CALD1: variants seen among roughly 807,000 people sequenced by gnomAD.
The protein encoded by CALD1 is caldesmon.
CALD1 carries 33 observed loss-of-function variants against 99.9 expected under a neutral mutation model. That is an observed-to-expected ratio of 0.33 (90% confidence interval 0.25 to 0.44). The LOEUF is 0.44. CALD1 is among the 20% of genes least tolerant of loss of function. CALD1 has a pLI of 1.00. For synonymous variants in CALD1, 310 were observed against 325.0 expected (o/e 0.95, Z 0.50); for missense variants, 861 against 962.1 (o/e 0.89, Z 1.39).
chr7:134,809,250 A>C (rs1461616700), intron 1 of CALD1, among the ~76,000 whole-genome samples: 3 of 152,220 alleles, frequency 2.0e-5, no homozygotes, highest in Non-Finnish European at 1.5e-5. Context: ...ATTCTTTTAA[A>C]TTTTTATGGT....
At chr7:134,803,269 C>A (rs6970551) in intron 1 of CALD1, among the ~76,000 whole-genome samples, 9,610 of 152,086 alleles carry the variant, frequency 0.063, 350 homozygotes, top group African/African-American at 0.1. Flanking sequence ...ATTATACTTT[C>A]TGGATACAAG....
chr7:134,929,037 T>C (rs936553362), intron 4 of CALD1, 137 bp downstream of exon 4: 4 of 741,946 alleles, frequency 5.4e-6, no homozygotes, highest in African/African-American at 5.4e-5. Flanking sequence ...TATTTTGCAG[T>C]CATTTTAGGC....
chr7:134,853,467 T>C (rs1800163422), intron 2 of CALD1, among the ~76,000 whole-genome samples: 1 of 152,200 alleles, frequency 6.6e-6, no homozygotes. Flanking sequence ...CCAGATCTTA[T>C]TCTAACACAT....
intron 3 of CALD1, among the ~76,000 whole-genome samples, chr7:134,875,460 A>AC (rs1801301721): frequency 6.6e-6 from 1 of 152,160 alleles, no homozygotes; most frequent in Non-Finnish European, 1.5e-5. Flanking sequence ...ACATGGTGAA[A>AC]CCCCATCTCT....
chr7:134,950,604 T>G (rs1216489373), intron 9 of CALD1, 90 bp downstream of exon 9: 1 of 1,025,460 alleles, frequency 9.8e-7, no homozygotes, highest in Non-Finnish European at 1.5e-6. Context: ...AGGGCCTTTG[T>G]TCATTTATCT....
upstream of CALD1, among the ~76,000 whole-genome samples, chr7:134,776,706 C>T (rs765616710): frequency 6.6e-6 from 1 of 152,146 alleles, no homozygotes; most frequent in Non-Finnish European, 1.5e-5. Context: ...CCTTTTAAAA[C>T]TTTCAAATCT....
intron 1 of CALD1, among the ~76,000 whole-genome samples, chr7:134,750,287 G>A (rs1171133507): frequency 6.6e-6 from 1 of 151,934 alleles, no homozygotes; most frequent in East Asian, 1.9e-4. Flanking sequence ...CCTACTGGCA[G>A]AGCCTAACAG....
At chr7:134,927,076 C>A (rs76064206) in intron 3 of CALD1, among the ~76,000 whole-genome samples, 2,117 of 152,198 alleles carry the variant, frequency 0.014, 41 homozygotes, top group African/African-American at 0.049. Flanking sequence ...CATACCCATA[C>A]CCAACCCATT....
rs1801648807 is a variant in CALD1 at position 134,882,423 on chromosome 7, GA to G, written c.71+14620del. 1.2e-4 allele frequency among the ~76,000 whole-genome samples: 18 copies of G among 152,268 alleles called. 3 individuals are homozygous for G. The South Asian group carries it at 3.7e-3, about 32-fold the overall frequency. ...CTTATGCTTATTTAGTTGCATTGTG[GA>G]GGCAAATGATATTAATATGGTAAGA... On this transcript the variant is annotated intron_variant, in intron 3 of 14. Coordinates refer to ENST00000361675, the MANE Select transcript of CALD1 (RefSeq NM_033138.4).
At chr7:134,941,317 G>A (rs982743959) in intron 7 of CALD1, 80 bp downstream of exon 7, 2 of 1,178,274 alleles carry the variant, frequency 1.7e-6, no homozygotes, top group African/African-American at 3.1e-5. Flanking sequence ...CCCATCCTGT[G>A]CTTCCAGACA....
the CALD1 span, among the ~76,000 whole-genome samples, chr7:134,738,424 C>T: frequency 6.6e-6 from 1 of 152,132 alleles, no homozygotes; most frequent in Non-Finnish European, 1.5e-5. Flanking sequence ...CTTTCATCTA[C>T]GCTTTATGTT....
At chr7:134,751,161 C>T (rs6973790) in intron 1 of CALD1, among the ~76,000 whole-genome samples, 32,270 of 152,110 alleles carry the variant, frequency 0.21, 3,825 homozygotes, top group African/African-American at 0.32. Context: ...TTGTGCAAGT[C>T]ATTTAACTTC....
chr7:134,802,691 C>T (rs569408472), intron 1 of CALD1, among the ~76,000 whole-genome samples: 1 of 152,204 alleles, frequency 6.6e-6, no homozygotes, highest in South Asian at 2.1e-4. Flanking sequence ...TTATCTAACA[C>T]AAAGCCTATT....
At chr7:134,892,402 G>A (rs1222015804) in intron 3 of CALD1, among the ~76,000 whole-genome samples, 2 of 152,130 alleles carry the variant, frequency 1.3e-5, no homozygotes, top group Non-Finnish European at 2.9e-5. Context: ...GTGTTTATGA[G>A]GTTTGAAAAA....
intron 1 of CALD1, among the ~76,000 whole-genome samples, chr7:134,781,716 A>G (rs939898668): frequency 6.6e-6 from 1 of 152,242 alleles, no homozygotes; most frequent in Non-Finnish European, 1.5e-5. Flanking sequence ...GGATTGATCC[A>G]TAAGTAAAGT....
At chr7:134,733,354 G>A in the CALD1 span, among the ~76,000 whole-genome samples, 2 of 152,268 alleles carry the variant, frequency 1.3e-5, no homozygotes, top group East Asian at 1.9e-4. Context: ...GGTGGCACAA[G>A]AGCCCAGAGG....
At chr7:134,756,412 T>C (rs534726806) in intron 1 of CALD1, among the ~76,000 whole-genome samples, 47 of 152,210 alleles carry the variant, frequency 3.1e-4, no homozygotes, top group African/African-American at 1.1e-3. Flanking sequence ...GTTCTTATGA[T>C]TAAAATTATA....
intron 1 of CALD1, among the ~76,000 whole-genome samples, chr7:134,791,192 CTTTA>C (rs996769947): frequency 2.6e-5 from 4 of 152,094 alleles, no homozygotes; most frequent in Admixed American, 6.5e-5. Context: ...ACAATGGGCA[CTTTA>C]TTTGTTTGTT....
rs78363464 is a variant in CALD1, at chr7:134,935,561, G to A, written c.1309-127G>A. The A allele has an allele frequency of 6.2e-4, 890 of 1,444,174 alleles. 8 individuals carry two copies. In the African/African-American group the frequency reaches 0.01, roughly 16 times the overall value. 89.5% of individuals were successfully genotyped at this position (1,444,174 alleles called of 1,614,324 possible). A position where few individuals can be genotyped will look rare whatever the true frequency, so the allele number is the denominator to read the frequency against. On this transcript the variant is annotated intron_variant, in intron 5 of 14. Coordinates refer to ENST00000361675, the MANE Select transcript of CALD1 (RefSeq NM_033138.4). ...TGTTTAGAACCACTGTGCTGTGAGC[G>A]CTGAGACGGCAGAAGAGAAGCCATC...
Sources: allele counts gnomAD v4.1 joint callset (sites outside exome capture counted in the v4.1 genomes callset), GRCh38; gene constraint gnomAD v4.1.1; transcripts MANE v1.5; gene names NCBI Gene and HGNC (gene_info 2026-07-23, HGNC 2026-07-21).